The following ST6GALNAC3 variants were observed in gnomAD, a reference collection of about 807,000 sequenced individuals.
The protein encoded by ST6GALNAC3 is alpha-N-acetylgalactosaminide alpha-2,6-sialyltransferase 3.
Under a neutral mutation model 32.7 loss-of-function variants are expected in ST6GALNAC3, and 25 were observed. That is an observed-to-expected ratio of 0.76 (90% CI 0.56 to 1.07). The LOEUF is 1.07. ST6GALNAC3 is among the 50% of genes least tolerant of loss of function. The pLI is 0.00. For synonymous variants in ST6GALNAC3, 129 were observed against 133.1 expected (o/e 0.97, Z 0.21); for missense variants, 355 against 382.4 (o/e 0.93, Z 0.60).
intron 2 of ST6GALNAC3, among the ~76,000 whole-genome samples, chr1:76,355,811 T>C (rs1198680992): frequency 6.6e-6 from 1 of 152,192 alleles, no homozygotes; most frequent in Admixed American, 6.5e-5. Flanking sequence ...GAACCATTTA[T>C]CAAGTCAAGG....
chr1:76,192,717 C>A (rs1318261289), intron 1 of ST6GALNAC3, among the ~76,000 whole-genome samples: 1 of 152,180 alleles, frequency 6.6e-6, no homozygotes, highest in Admixed American at 6.6e-5. Context: ...TTTTTCAAAG[C>A]TTTTCATGGC....
intron 3 of ST6GALNAC3, among the ~76,000 whole-genome samples, chr1:76,499,940 C>G (rs956615820): frequency 9.9e-5 from 15 of 152,044 alleles, no homozygotes; most frequent in African/African-American, 3.4e-4. Context: ...AACTGGAATA[C>G]TATGCGATCC....
At chr1:76,434,662 TA>T (rs1656005365) in intron 3 of ST6GALNAC3, among the ~76,000 whole-genome samples, 1 of 152,186 alleles carries the variant, frequency 6.6e-6, no homozygotes, top group Non-Finnish European at 1.5e-5. Flanking sequence ...AACTATTTTT[TA>T]TTGTCATATG....
At chr1:76,439,448 T>G (rs1172765489) in intron 3 of ST6GALNAC3, among the ~76,000 whole-genome samples, 1 of 152,216 alleles carries the variant, frequency 6.6e-6, no homozygotes, top group African/African-American at 2.4e-5. Flanking sequence ...GCTTTATGTT[T>G]TCAATTTAGG....
At chr1:76,585,534 A>G (rs977827454) in intron 3 of ST6GALNAC3, among the ~76,000 whole-genome samples, 2 of 152,178 alleles carry the variant, frequency 1.3e-5, no homozygotes, top group Non-Finnish European at 2.9e-5. Flanking sequence ...CACCACCTCC[A>G]AGGCATAGTT....
intron 3 of ST6GALNAC3, among the ~76,000 whole-genome samples, chr1:76,461,461 T>C (rs1039780980): frequency 3.9e-5 from 6 of 152,164 alleles, no homozygotes; most frequent in Non-Finnish European, 2.9e-5. Flanking sequence ...CAGATGACAG[T>C]GTTAAAACTT....
At position 76,551,880 on chromosome 1, in the gene ST6GALNAC3, CTG is replaced by C. The variant is rs569647864; in HGVS notation, c.624-75570_624-75569del. On this transcript the variant is annotated intron_variant, in intron 3 of 4. Transcript: ENST00000328299. Reference sequence around the variant, plus strand: ...AGCCTCTGGTAACTATCATTCCACTCTGTACCTCCATGAGGTCAACATTTTCA... The same window carrying C: ...AGCCTCTGGTAACTATCATTCCACTCTACCTCCATGAGGTCAACATTTTCA... Among the ~76,000 whole-genome samples, 429 of 152,324 alleles carry C rather than the reference CTG, an allele frequency of 2.8e-3. 2 individuals carry two copies. The highest frequency in any genetic ancestry group is 9.7e-3 in the African/African-American group (403 of 41,574).
chr1:76,173,021 T>C (rs1377989126), intron 1 of ST6GALNAC3, among the ~76,000 whole-genome samples: 2 of 152,130 alleles, frequency 1.3e-5, no homozygotes, highest in African/African-American at 2.4e-5. Flanking sequence ...AGACCCCATA[T>C]AGCCAAGACA....
chr1:76,347,195 A>G (rs1648593521), intron 2 of ST6GALNAC3, among the ~76,000 whole-genome samples: 2 of 152,332 alleles, frequency 1.3e-5, no homozygotes, highest in East Asian at 1.9e-4. Context: ...GATGCAAATC[A>G]CTGCTGTCCA....
intron 1 of ST6GALNAC3, among the ~76,000 whole-genome samples, chr1:76,143,424 TCC>T (rs71686645): frequency 3.5e-4 from 53 of 149,302 alleles, no homozygotes; most frequent in South Asian, 6.5e-4. Context: ...TGTGTGTGTG[TCC>T]GTCTGTGTGT....
At chr1:76,413,080 CTGTAAACTACACTTCGCACTTT>C (rs1157489585) in intron 3 of ST6GALNAC3, 2 of 257,622 alleles carry the variant, frequency 7.8e-6, no homozygotes, top group Non-Finnish European at 8.0e-6. Flanking sequence ...CTGTAGCATT[CTGTAAACTACACTTCGCACTTT>C]TTTCCCTTGA....
intron 1 of ST6GALNAC3, among the ~76,000 whole-genome samples, chr1:76,206,843 C>T (rs1654853520): frequency 6.6e-6 from 1 of 152,136 alleles, no homozygotes. Flanking sequence ...TAAATGATAA[C>T]TTCCAGCAAA....
chr1:76,119,885 T>C lies in ST6GALNAC3; in HGVS notation c.18+45001T>C, dbSNP rs1349583743. 3.5e-5 allele frequency among the ~76,000 whole-genome samples: 4 copies of C among 115,852 alleles called. No homozygotes were observed. The Admixed American group carries it at 3.6e-4, about 11-fold the overall frequency. The allele number at this position is 115,852 out of a possible 152,430, so 76.0% of individuals were successfully genotyped here. On this transcript the variant is annotated intron_variant, in intron 1 of 4. Transcript: ENST00000328299. ...TCCTTAACTGGCAGGTCCGTGGGACTGTAAAGCCTCAGGAAGAGCAATTGC... is the reference window on the plus strand; with the variant it reads ...TCCTTAACTGGCAGGTCCGTGGGACCGTAAAGCCTCAGGAAGAGCAATTGC...
At position 76,614,718 on chromosome 1, in the gene ST6GALNAC3, CAAAAAAAAAAAAAAAAA is replaced by C. The variant is rs55744575; in HGVS notation, c.624-12714_624-12698del. 5.3e-3 allele frequency among the ~76,000 whole-genome samples: 357 copies of C among 67,520 alleles called. 7 individuals are homozygous for C. The highest frequency in any genetic ancestry group is 0.023 in the African/African-American group (341 of 14,692). The allele number at this position is 67,520 out of a possible 152,430, so 44.3% of individuals were successfully genotyped here. A position where few individuals can be genotyped will look rare whatever the true frequency, so the allele number is the denominator to read the frequency against. ...TGGGTGACAGAGCGAGACTCCATCTCAAAAAAAAAAAAAAAAAAAAAAAAAAAAAAAAAAAATTAATA... is the reference window on the plus strand; with the variant it reads ...TGGGTGACAGAGCGAGACTCCATCTCAAAAAAAAAAAAAAAAAAATTAATA... On this transcript the variant is annotated intron_variant, in intron 3 of 4. Transcript: ENST00000328299.
At chr1:76,439,541 C>T (rs1053819987) in intron 3 of ST6GALNAC3, among the ~76,000 whole-genome samples, 18 of 152,216 alleles carry the variant, frequency 1.2e-4, no homozygotes, top group African/African-American at 4.1e-4. Context: ...CATTTCTGTC[C>T]TCTCATCTAC....
chr1:76,291,490 T>C (rs879556957), intron 1 of ST6GALNAC3, among the ~76,000 whole-genome samples: 1 of 152,164 alleles, frequency 6.6e-6, no homozygotes, highest in African/African-American at 2.4e-5. Context: ...CGCATCCAAG[T>C]ATGTTACAAT....
chr1:76,105,297 C>T (rs995551311), intron 1 of ST6GALNAC3, among the ~76,000 whole-genome samples: 1 of 152,200 alleles, frequency 6.6e-6, no homozygotes, highest in South Asian at 2.1e-4. Context: ...CATCCACTTA[C>T]CTCTAATGGC....
At chr1:76,248,276 G>T (rs192034008) in intron 1 of ST6GALNAC3, among the ~76,000 whole-genome samples, 9 of 152,188 alleles carry the variant, frequency 5.9e-5, no homozygotes, top group Admixed American at 2.6e-4. Flanking sequence ...TCCCTCTCTC[G>T]CCAGATGCCC....
intron 3 of ST6GALNAC3, among the ~76,000 whole-genome samples, chr1:76,620,942 C>G (rs115843412): frequency 6.6e-6 from 1 of 151,912 alleles, no homozygotes; most frequent in Non-Finnish European, 1.5e-5. Flanking sequence ...ATTAAAAAGG[C>G]GTTAAAGCCT....
Sources: allele counts gnomAD v4.1 joint callset (sites outside exome capture counted in the v4.1 genomes callset), GRCh38; gene constraint gnomAD v4.1.1; transcripts MANE v1.5; gene names NCBI Gene and HGNC (gene_info 2026-07-23, HGNC 2026-07-21).